The following MARK3 variants were observed in gnomAD, a reference collection of about 807,000 sequenced individuals.
The protein encoded by MARK3 is MAP/microtubule affinity-regulating kinase 3.
In MARK3, 46 loss-of-function variants were observed where a neutral mutation model predicts 90.1. The observed-to-expected ratio is 0.51, with a 90% confidence interval of 0.40 to 0.65. The LOEUF (loss-of-function observed/expected upper bound fraction) is 0.65. Ranked by LOEUF, MARK3 falls within the 30% of genes least tolerant of loss-of-function variation. The pLI, the probability that MARK3 is intolerant of heterozygous loss-of-function variation, is 0.00. For missense variants in MARK3, 818 were observed against 947.2 expected (o/e 0.86, Z 1.79); for synonymous variants, 321 against 332.6 (o/e 0.97, Z 0.38).
intron 3 of MARK3, among the ~76,000 whole-genome samples, chr14:103,448,244 C>T (rs1466373155): frequency 2.6e-5 from 4 of 152,146 alleles, no homozygotes; most frequent in Admixed American, 6.5e-5. Flanking sequence ...CAAGCCATGA[C>T]GCCCAAGCAT....
At chr14:103,403,119 C>T (rs1268895683) in intron 1 of MARK3, among the ~76,000 whole-genome samples, 1 of 145,064 alleles carries the variant, frequency 6.9e-6, no homozygotes, top group Non-Finnish European at 1.5e-5. Flanking sequence ...TCAGCTTTCA[C>T]ACATGAAGGT....
chr14:103,393,988 C>T (rs1248524033), intron 1 of MARK3, among the ~76,000 whole-genome samples: 1 of 152,192 alleles, frequency 6.6e-6, no homozygotes, highest in African/African-American at 2.4e-5. Context: ...CCTGCCTTGG[C>T]CTCCCAAAGT....
chr14:103,417,940 G>A (rs987842251), intron 2 of MARK3, among the ~76,000 whole-genome samples: 11 of 152,010 alleles, frequency 7.2e-5, no homozygotes, highest in Admixed American at 1.3e-4. Flanking sequence ...GTGGTGGCGC[G>A]CACCTGTAAT....
intron 3 of MARK3, among the ~76,000 whole-genome samples, chr14:103,435,594 GA>G (rs1300727439): frequency 1.3e-5 from 2 of 150,474 alleles, no homozygotes; most frequent in Non-Finnish European, 3.0e-5. Flanking sequence ...ATTTTTAGTA[GA>G]GATGGGGTTT....
chr14:103,458,830 G>A (rs777090958), intron 6 of MARK3: 4 of 619,480 alleles, frequency 6.5e-6, no homozygotes, highest in East Asian at 5.7e-5. Flanking sequence ...TCTTATAAAC[G>A]TTGCTTATAT....
intron 1 of MARK3, among the ~76,000 whole-genome samples, chr14:103,396,634 A>T (rs1369639327): frequency 6.6e-6 from 1 of 152,176 alleles, no homozygotes; most frequent in Non-Finnish European, 1.5e-5. Flanking sequence ...AATTTGGCTA[A>T]TGGTGGGTTG....
intron 2 of MARK3, among the ~76,000 whole-genome samples, chr14:103,410,777 C>A (rs774371829): frequency 2.0e-5 from 3 of 151,946 alleles, no homozygotes; most frequent in South Asian, 2.1e-4. Flanking sequence ...GTGATTTAAA[C>A]CCTTTATGTT....
chr14:103,404,735 G>T (rs184689391), intron 1 of MARK3, among the ~76,000 whole-genome samples: 3 of 152,298 alleles, frequency 2.0e-5, no homozygotes, highest in South Asian at 4.1e-4. Flanking sequence ...ACGGGCTGTA[G>T]TGAGGCTCAG....
intron 17 of MARK3, among the ~76,000 whole-genome samples, chr14:103,502,108 C>T (rs556740127): frequency 8.5e-4 from 129 of 152,282 alleles, no homozygotes; most frequent in African/African-American, 3.0e-3. Flanking sequence ...GCTGGTAAAC[C>T]GCGGTGTTCC....
At chr14:103,430,049 T>G (rs2092534503) in intron 3 of MARK3, among the ~76,000 whole-genome samples, 1 of 152,198 alleles carries the variant, frequency 6.6e-6, no homozygotes, top group African/African-American at 2.4e-5. Flanking sequence ...GTCACATCAT[T>G]ATCAGTTTAG....
intron 1 of MARK3, among the ~76,000 whole-genome samples, chr14:103,403,038 G>GC (rs1032715906): frequency 3.0e-4 from 45 of 148,456 alleles, no homozygotes; most frequent in Non-Finnish European, 6.1e-4. Flanking sequence ...CCCTCCCCTG[G>GC]CCCCCCACCC....
At position 103,405,110 on chromosome 14, in the gene MARK3, C is replaced by A. The variant is rs755607083; in HGVS notation, c.86C>A (p.Thr29Asn). ...TSHGDGRQEV[T>N]SRTSRSGARC... is the part of the protein sequence containing the mutation. ...CATGGAGATGGGCGTCAAGAAGTTA[C>A]CTCTCGTACCAGCCGCTCAGGAGCT... is the stretch of plus-strand genomic sequence containing the variant. The change falls in exon 2 of 18, where the codon ACC (threonine) becomes AAC (asparagine). Residue 29 changes from threonine to asparagine, a missense_variant. Physicochemically the swap from Thr to Asn is moderately conservative, Grantham distance 65. Around this residue, in one of 3 missense-constraint regions of MARK3, gnomAD observed 157 missense variants for 158.7 expected, o/e 0.99. Transcript: ENST00000429436. 1 of 1,613,992 alleles carries A rather than the reference C, an allele frequency of 6.2e-7. No individual in the cohort carries two copies. The highest frequency in any genetic ancestry group is 8.5e-7 in the Non-Finnish European group (1 of 1,179,968).
At chr14:103,405,029 A>G in intron 1 of MARK3, 47 bp from the exon 2 acceptor site, 1 of 1,491,450 alleles carries the variant, frequency 6.7e-7, no homozygotes, top group Non-Finnish European at 9.2e-7. Context: ...CTTGGCAAGT[A>G]CTCTGTGTTC....
At chr14:103,459,085 C>G (rs1330398073) in intron 6 of MARK3, among the ~76,000 whole-genome samples, 1 of 152,112 alleles carries the variant, frequency 6.6e-6, no homozygotes. Context: ...TAACTGTACT[C>G]TTAATTTTTA....
intron 2 of MARK3, among the ~76,000 whole-genome samples, chr14:103,407,526 C>T (rs1262243375): frequency 1.4e-5 from 2 of 142,304 alleles, no homozygotes; most frequent in Admixed American, 7.1e-5. Flanking sequence ...TCTTGTTATA[C>T]TCATATGGTA....
chr14:103,452,503 G>T (rs1376903772), intron 5 of MARK3, among the ~76,000 whole-genome samples: 1 of 74,944 alleles, frequency 1.3e-5, no homozygotes, highest in African/African-American at 3.5e-5. Context: ...ACGGAGTCTC[G>T]CTCTGTCGCC....
At chr14:103,423,200 C>CTTTATTTTTTTTTTTTTTTTTT (rs2092284592) in intron 2 of MARK3, among the ~76,000 whole-genome samples, 1 of 94,720 alleles carries the variant, frequency 1.1e-5, no homozygotes, top group Non-Finnish European at 1.9e-5. Context: ...GACTTGCAGT[C>CTTTATTTTTTTTTTTTTTTTTT]TTTTTTTTTT....
intron 2 of MARK3, chr14:103,412,182 G>T: frequency 1.5e-6 from 2 of 1,357,442 alleles, no homozygotes; most frequent in Non-Finnish European, 2.0e-6. Context: ...CATTCTGCCA[G>T]TTTTTTCTCG....
chr14:103,420,065 A>G (rs192532718), intron 2 of MARK3, among the ~76,000 whole-genome samples: 244 of 152,286 alleles, frequency 1.6e-3, no homozygotes, highest in Non-Finnish European at 2.4e-3. Context: ...TATAATTTAT[A>G]TATTCCATAT....
Sources: allele counts gnomAD v4.1 joint callset (sites outside exome capture counted in the v4.1 genomes callset), GRCh38; gene constraint gnomAD v4.1.1; regional missense constraint gnomAD v4.1.1; transcripts MANE v1.5; gene names NCBI Gene and HGNC (gene_info 2026-07-23, HGNC 2026-07-21).